Variants in IGF1R observed in about 807,000 individuals in gnomAD.
IGF1R encodes insulin-like growth factor 1 receptor.
In IGF1R, 44 loss-of-function variants were observed where a neutral mutation model predicts 144.6. The ratio of observed to expected loss-of-function variants is 0.30; its 90% CI spans 0.24 to 0.39. IGF1R has a LOEUF of 0.39. Among genes scored for constraint, IGF1R ranks in the 10% least tolerant of loss-of-function variants. The probability of loss-of-function intolerance (pLI) is 1.00; values close to 1 mark genes in which losing one functional copy is unlikely to be tolerated. For synonymous variants in IGF1R, 795 were observed against 722.8 expected (o/e 1.10, Z -1.60); for missense variants, 1,355 against 1,833.7 (o/e 0.74, Z 4.77).
intron 2 of IGF1R, among the ~76,000 whole-genome samples, chr15:98,791,406 C>T (rs2056124703): frequency 2.0e-5 from 3 of 152,260 alleles, no homozygotes; most frequent in South Asian, 4.1e-4. Context: ...TGACATTTTA[C>T]TCATAAAAGG....
At chr15:98,761,217 C>T (rs1248858405) in intron 2 of IGF1R, among the ~76,000 whole-genome samples, 1 of 152,208 alleles carries the variant, frequency 6.6e-6, no homozygotes, top group Non-Finnish European at 1.5e-5. Context: ...ATGTGCACAT[C>T]TGTTGTTGGC....
intron 18 of IGF1R, 31 bp downstream of exon 18, chr15:98,939,391 G>GAACT: frequency 6.2e-7 from 1 of 1,611,814 alleles, no homozygotes; most frequent in African/African-American, 1.3e-5. Context: ...GTCTGGGCAA[G>GAACT]AACTAAACTC....
At chr15:98,915,820 A>G (rs1470450939) in intron 8 of IGF1R, 144 bp from the exon 9 acceptor site, 6 of 783,332 alleles carry the variant, frequency 7.7e-6, no homozygotes, top group Non-Finnish European at 2.3e-6. Flanking sequence ...AATAAGGTTC[A>G]CTTTTCACTT....
chr15:98,688,413 CCTGT>C (rs1323426716), intron 1 of IGF1R, among the ~76,000 whole-genome samples: 1 of 105,766 alleles, frequency 9.5e-6, no homozygotes, highest in East Asian at 2.6e-4. Flanking sequence ...ACAACACACA[CCTGT>C]GTGTGTGTGT....
At chr15:98,691,157 A>G (rs988986941) in intron 1 of IGF1R, among the ~76,000 whole-genome samples, 3 of 152,100 alleles carry the variant, frequency 2.0e-5, no homozygotes, top group African/African-American at 7.2e-5. Flanking sequence ...GGATTTTACC[A>G]GTTTTGCCCA....
chr15:98,649,425 C>T lies in IGF1R; in HGVS notation c.-157C>T. On this transcript the variant is annotated 5_prime_UTR_variant, in exon 1 of 21. Transcript: ENST00000650285. ...CGCACCCGGAGGGCCCCGGCGGCGC[C>T]GCCTTCGGAGTATTGTTTCCTTCGC... 2.2e-6 allele frequency: 1 copy of T among 461,324 alleles called. No homozygotes were observed. Among genetic ancestry groups the T allele is most frequent in the Non-Finnish European group, 3.6e-6 (1 of 276,680 alleles). 28.6% of individuals were successfully genotyped at this position (461,324 alleles called of 1,614,324 possible). A position where few individuals can be genotyped will look rare whatever the true frequency, so the allele number is the denominator to read the frequency against.
intron 7 of IGF1R, among the ~76,000 whole-genome samples, chr15:98,911,773 A>G (rs1287420946): frequency 6.6e-6 from 1 of 152,204 alleles, no homozygotes; most frequent in Non-Finnish European, 1.5e-5. Context: ...ATGAACGATG[A>G]TGGGGGACTT....
rs2017055119 is a variant in IGF1R, at chr15:98,957,541, T to C, written c.*99T>C. 6 of 1,477,966 alleles carry C rather than the reference T, an allele frequency of 4.1e-6. No individual in the cohort carries two copies. The South Asian group carries it at 6.9e-5, about 17-fold the overall frequency. 91.6% of individuals were successfully genotyped at this position (1,477,966 alleles called of 1,614,324 possible). A position where few individuals can be genotyped will look rare whatever the true frequency, so the allele number is the denominator to read the frequency against. On this transcript the variant is annotated 3_prime_UTR_variant, in exon 21 of 21. Transcript: ENST00000650285. ...TAACAATCCATTCACAAGCCTCCTG[T>C]ACCTCAGTGGATCTTCAGAACTGCC...
At chr15:98,811,188 C>G (rs1321072502) in intron 2 of IGF1R, among the ~76,000 whole-genome samples, 2 of 151,980 alleles carry the variant, frequency 1.3e-5, no homozygotes, top group African/African-American at 4.8e-5. Flanking sequence ...ATAATACCAG[C>G]TACTCGAGAG....
In IGF1R at chr15:98,957,120, A is replaced by AG; in HGVS notation, c.3783dup (p.Ile1262AspfsTer112). ...CCCAAGATGAGGCCTTCCTTCCTGG[A>AG]GATCATCAGCAGCATCAAAGAGGAG... On this transcript the variant is annotated frameshift_variant, in exon 21 of 21. Coordinates refer to ENST00000650285, the MANE Select transcript of IGF1R (RefSeq NM_000875.5). LOFTEE classifies it high-confidence loss of function. The AG allele has an allele frequency of 6.2e-7, 1 of 1,614,180 alleles. No individual in the cohort carries two copies. Among genetic ancestry groups the AG allele is most frequent in the Non-Finnish European group, 8.5e-7 (1 of 1,180,014 alleles).
intron 13 of IGF1R, 122 bp from the exon 14 acceptor site, chr15:98,929,436 G>C: frequency 1.3e-6 from 1 of 771,802 alleles, no homozygotes; most frequent in Non-Finnish European, 2.4e-6. Context: ...AATTCTTACT[G>C]TATGATGGGG....
chr15:98,650,038 C>CCG (rs2052312699), intron 1 of IGF1R, among the ~76,000 whole-genome samples: 1 of 152,114 alleles, frequency 6.6e-6, no homozygotes, highest in Non-Finnish European at 1.5e-5. Context: ...CTCGCCCCTT[C>CCG]CATGCGCAAG....
At chr15:98,877,471 A>C (rs2013114829) in intron 2 of IGF1R, among the ~76,000 whole-genome samples, 1 of 150,266 alleles carries the variant, frequency 6.7e-6, no homozygotes, top group Non-Finnish European at 1.5e-5. Context: ...GGAAAGAAAG[A>C]AAAATGGCAC....
intron 1 of IGF1R, among the ~76,000 whole-genome samples, chr15:98,705,386 T>C (rs548557029): frequency 9.2e-5 from 14 of 152,288 alleles, no homozygotes; most frequent in South Asian, 2.1e-4. Flanking sequence ...GGTGGGACTA[T>C]TGACAAGCCT....
At chr15:98,929,486 T>A in intron 13 of IGF1R, 72 bp from the exon 14 acceptor site, 7 of 1,177,512 alleles carry the variant, frequency 5.9e-6, no homozygotes, top group Non-Finnish European at 9.0e-6. Context: ...TACTTCCAAC[T>A]GAATGTGAAG....
intron 10 of IGF1R, among the ~76,000 whole-genome samples, chr15:98,917,176 G>A (rs1596447218): frequency 6.6e-6 from 1 of 152,178 alleles, no homozygotes; most frequent in East Asian, 1.9e-4. Context: ...GAGGCAGGGA[G>A]GGGAAACTCA....
rs999849838 is a variant in IGF1R at position 98,961,867 on chromosome 15, T to A, written c.*4425T>A. ...GGCCGACCTGGCCTCTCCTGGCCTG[T>A]TTCTTAAGATGCGGAGTCACATTTC... On this transcript the variant is annotated 3_prime_UTR_variant, in exon 21 of 21. Transcript: ENST00000650285. 2 of 233,188 alleles carry A rather than the reference T, an allele frequency of 8.6e-6. No homozygotes were observed. The highest frequency in any genetic ancestry group is 4.4e-5 in the African/African-American group (2 of 45,346). 14.4% of individuals were successfully genotyped at this position (233,188 alleles called of 1,614,324 possible).
At position 98,707,566 on chromosome 15, in the gene IGF1R, C is replaced by T. The variant is rs758327569; in HGVS notation, c.99C>T (p.Cys33=). The part of the protein sequence containing the change: ...LSLWPTSGEI[C]GPGIDIRNDY... ...TACCCTCTTGTCTCCCTTCAGTCTG[C>T]GGGCCAGGCATCGACATCCGCAACG... is the stretch of plus-strand genomic sequence containing the variant. The change falls in exon 2 of 21, where the codon TGC becomes TGT. Residue 33 remains cysteine (C), a synonymous_variant. Coordinates refer to ENST00000650285, the MANE Select transcript of IGF1R (RefSeq NM_000875.5). This position sits in a 1 kb window ranked among gnomAD's most constrained non-coding sequence, Gnocchi z 6.7. The T allele has an allele frequency of 2.4e-5, 38 of 1,613,958 alleles. No individual in the cohort carries two copies. Among genetic ancestry groups the T allele is most frequent in the South Asian group, 1.2e-4 (11 of 91,068 alleles).
In IGF1R at chr15:98,924,682, A is replaced by G; in HGVS notation, c.2780A>G (p.Lys927Arg). The G allele has an allele frequency of 1.9e-6, 3 of 1,613,400 alleles. No homozygotes were observed. Among genetic ancestry groups the G allele is most frequent in the Non-Finnish European group, 2.5e-6 (3 of 1,179,866 alleles). ...CCTGTGTTCTTCTATGTCCAGGCCA[A>G]AAGTAAGGCTTGTGGAGGGAGAAGA... is the stretch of plus-strand genomic sequence containing the variant. ...TDPVFFYVQAKTGYENFIHLI... is the reference protein window; with the variant it reads ...TDPVFFYVQARTGYENFIHLI... The change falls in exon 13 of 21, where the codon AAA becomes AGA. Residue 927 changes from lysine to arginine, a missense_variant and splice_region_variant. Physicochemically the swap from Lys to Arg is conservative, Grantham distance 26 (BLOSUM62 2). This residue lies in a region of IGF1R where 880 missense variants were observed against 1,202.7 expected (regional missense o/e 0.73). Coordinates refer to ENST00000650285, the MANE Select transcript of IGF1R (RefSeq NM_000875.5).
Sources: allele counts gnomAD v4.1 joint callset (sites outside exome capture counted in the v4.1 genomes callset), GRCh38; gene constraint gnomAD v4.1.1; regional missense constraint gnomAD v4.1.1; non-coding constraint Gnocchi (gnomAD v3.1); transcripts MANE v1.5; gene names NCBI Gene and HGNC (gene_info 2026-07-23, HGNC 2026-07-21).